The following IDE variants were observed in gnomAD, a reference collection of about 807,000 sequenced individuals.
IDE encodes insulin degrading enzyme, also known as insulin-degrading enzyme.
A neutral mutation model predicts 133.2 loss-of-function variants in IDE; 58 were observed. The ratio of observed to expected loss-of-function variants is 0.44; its 90% CI spans 0.35 to 0.54. The LOEUF is 0.54. Among genes scored for constraint, IDE ranks in the 20% least tolerant of loss-of-function variants. The pLI, the probability that IDE is intolerant of heterozygous loss-of-function variation, is 0.00. For missense variants in IDE, 981 were observed against 1,234.0 expected (o/e 0.79, Z 3.07); for synonymous variants, 396 against 421.3 (o/e 0.94, Z 0.73).
intron 12 of IDE, among the ~76,000 whole-genome samples, chr10:92,488,041 C>T (rs917382625): frequency 6.6e-6 from 1 of 152,048 alleles, no homozygotes; most frequent in Non-Finnish European, 1.5e-5. Flanking sequence ...CTGATCCACC[C>T]ACTTCAGCCT....
chr10:92,556,922 CA>C (rs375189780), intron 1 of IDE, among the ~76,000 whole-genome samples: 17,886 of 83,100 alleles, frequency 0.22, 887 homozygotes, highest in Admixed American at 0.3. Context: ...GACTCCGCCT[CA>C]AAAAAAAAAA....
Position 92,515,022 on chromosome 10 carries a change from T to C in IDE, c.682A>G (p.Thr228Ala), listed in dbSNP as rs1848827985. ...FGTGNKYTLE[T>A]RPNQEGIDVR... is the part of the protein sequence containing the mutation. Reference sequence around the variant, plus strand: ...TCAATGCCTTCTTGGTTTGGTCTAGTCTCCAGAGTATATTTGTTACCTGGA... The same window carrying C: ...TCAATGCCTTCTTGGTTTGGTCTAGCCTCCAGAGTATATTTGTTACCTGGA... The change falls in exon 5 of 25, where the codon ACT (threonine) becomes GCT (alanine). Residue 228 changes from threonine to alanine, a missense_variant. This residue lies in a region of IDE where 321 missense variants were observed against 339.3 expected (regional missense o/e 0.95). Coordinates refer to ENST00000265986, the MANE Select transcript of IDE (RefSeq NM_004969.4). The C allele has an allele frequency of 6.2e-7, 1 of 1,609,166 alleles. No individual in the cohort carries two copies. Among genetic ancestry groups the C allele is most frequent in the Non-Finnish European group, 8.5e-7 (1 of 1,177,466 alleles).
chr10:92,565,730 T>C (rs1333810133), intron 1 of IDE, among the ~76,000 whole-genome samples: 1 of 152,192 alleles, frequency 6.6e-6, no homozygotes, highest in African/African-American at 2.4e-5. Flanking sequence ...ATATTTCAAA[T>C]GCTTCCTGCA....
intron 4 of IDE, among the ~76,000 whole-genome samples, chr10:92,523,216 A>G (rs1165492658): frequency 6.6e-6 from 1 of 152,006 alleles, no homozygotes; most frequent in African/African-American, 2.4e-5. Flanking sequence ...CCCTGTCTCT[A>G]CTAAAAATAC....
intron 1 of IDE, among the ~76,000 whole-genome samples, chr10:92,540,948 T>C (rs1842272990): frequency 6.6e-6 from 1 of 152,168 alleles, no homozygotes. Flanking sequence ...AAGAACTATT[T>C]GCAAATGATC....
At chr10:92,508,565 A>G (rs1308856053) in intron 7 of IDE, among the ~76,000 whole-genome samples, 163 bp downstream of exon 7, 1 of 151,176 alleles carries the variant, frequency 6.6e-6, no homozygotes, top group Non-Finnish European at 1.5e-5. Flanking sequence ...AAAAGAAAAA[A>G]AAAAAAAAAA....
intron 1 of IDE, among the ~76,000 whole-genome samples, chr10:92,555,268 TG>T (rs952281245): frequency 2.0e-5 from 3 of 151,834 alleles, no homozygotes; most frequent in African/African-American, 7.3e-5. Context: ...GGAGCTGAGA[TG>T]GGGGGATCAC....
At chr10:92,485,125 C>CTTTTTTTTTTTTTTTTTTTTT (rs34615998) in intron 13 of IDE, among the ~76,000 whole-genome samples, 5 of 100,860 alleles carry the variant, frequency 5.0e-5, no homozygotes, top group Non-Finnish European at 7.5e-5. Flanking sequence ...TTCTTTCTTT[C>CTTTTTTTTTTTTTTTTTTTTT]TTTTTTTTTT....
intron 2 of IDE, among the ~76,000 whole-genome samples, chr10:92,535,264 C>A (rs1427638717): frequency 1.3e-5 from 2 of 152,164 alleles, no homozygotes; most frequent in Non-Finnish European, 2.9e-5. Flanking sequence ...CCACCGCGCC[C>A]AGCTAATTCT....
intron 14 of IDE, among the ~76,000 whole-genome samples, chr10:92,482,897 C>T (rs566607261): frequency 6.6e-6 from 1 of 152,150 alleles, no homozygotes; most frequent in East Asian, 1.9e-4. Context: ...CCTCCTGCCT[C>T]AGCCTCCTGA....
chr10:92,463,782 A>C lies in IDE; in HGVS notation c.2710T>G (p.Cys904Gly). ...ATGATTTCTCCCCAGTATTTAGCACACTCAGCAGATAGCTTCTTTGGTTTG... is the reference window on the plus strand; with the variant it reads ...ATGATTTCTCCCCAGTATTTAGCACCCTCAGCAGATAGCTTCTTTGGTTTG... ...LDKPKKLSAE[C>G]AKYWGEIISQ... Residue 904 changes from cysteine (C) to glycine (G), a missense_variant, in exon 21 of 25, where the codon TGT becomes GGT. Cys to Gly is a radical substitution (Grantham distance 159). This residue lies in a region of IDE where 660 missense variants were observed against 894.7 expected (regional missense o/e 0.74). Transcript: ENST00000265986. The C allele has an allele frequency of 1.9e-6, 3 of 1,614,070 alleles. No homozygotes were observed. The highest frequency in any genetic ancestry group is 2.5e-6 in the Non-Finnish European group (3 of 1,179,980).
intron 11 of IDE, among the ~76,000 whole-genome samples, chr10:92,495,900 A>C (rs536120549): frequency 6.6e-6 from 1 of 151,406 alleles, no homozygotes; most frequent in South Asian, 2.1e-4. Flanking sequence ...TTTTTGAGAC[A>C]GGGTTGCTCT....
At chr10:92,493,237 C>T (rs895706465) in intron 11 of IDE, among the ~76,000 whole-genome samples, 1 of 152,080 alleles carries the variant, frequency 6.6e-6, no homozygotes, top group Admixed American at 6.6e-5. Context: ...ATGATAGAGC[C>T]TATGAAGACT....
intron 1 of IDE, among the ~76,000 whole-genome samples, chr10:92,540,910 T>C (rs74782632): frequency 1.1e-3 from 166 of 152,298 alleles, no homozygotes; most frequent in Non-Finnish European, 1.8e-3. Flanking sequence ...GAGTAGGATG[T>C]AGGTAGACAG....
chr10:92,523,187 C>A (rs937058190), intron 4 of IDE, among the ~76,000 whole-genome samples: 4 of 152,008 alleles, frequency 2.6e-5, no homozygotes, highest in Admixed American at 1.3e-4. Context: ...TCGAGACTAG[C>A]CTGGGCGACA....
At chr10:92,456,844 C>CAAAAAAAAAAAAA (rs57422406) in intron 22 of IDE, among the ~76,000 whole-genome samples, 47 of 52,182 alleles carry the variant, frequency 9.0e-4, no homozygotes, top group East Asian at 1.3e-3. Context: ...GACTCTGTCT[C>CAAAAAAAAAAAAA]AAAAAAAAAA....
At chr10:92,559,243 A>G (rs1209033053) in intron 1 of IDE, 1 of 152,244 alleles carries the variant, frequency 6.6e-6, no homozygotes. Context: ...AAGAGTTAGC[A>G]TATGACCTAG....
intron 7 of IDE, 55 bp downstream of exon 7, chr10:92,508,673 A>T: frequency 6.6e-7 from 1 of 1,514,652 alleles, no homozygotes; most frequent in Non-Finnish European, 9.2e-7. Context: ...AGAAAATGAG[A>T]GCCAGAGTGA....
intron 1 of IDE, among the ~76,000 whole-genome samples, chr10:92,560,235 G>A (rs1999763): frequency 0.1 from 15,542 of 152,086 alleles, 925 homozygotes; most frequent in South Asian, 0.17. Flanking sequence ...TAGTTTAACC[G>A]TGTATCTGAC....
Sources: gnomAD v4.1 joint callset for allele counts (sites outside exome capture counted in the v4.1 genomes callset) on GRCh38, gnomAD v4.1.1 for gene constraint, gnomAD v4.1.1 regional missense constraint, MANE v1.5 for transcripts, NCBI Gene and HGNC (gene_info 2026-07-23, HGNC 2026-07-21) for gene names.